Variants in CES1 observed in about 807,000 individuals in gnomAD.
The protein encoded by CES1 is carboxylesterase 1.
A neutral mutation model predicts 53.0 loss-of-function variants in CES1; 50 were observed. That is an observed-to-expected ratio of 0.94 (90% CI 0.75 to 1.19). CES1 has a LOEUF of 1.19. Among genes scored for constraint, CES1 ranks in the 50% most tolerant of loss-of-function variants. The probability of loss-of-function intolerance (pLI) is 0.00; values close to 1 mark genes in which losing one functional copy is unlikely to be tolerated. For synonymous variants in CES1, 202 were observed against 210.1 expected (o/e 0.96, Z 0.33); for missense variants, 534 against 538.0 (o/e 0.99, Z 0.07).
chr16:55,819,148 T>C (rs2032067492), intron 7 of CES1, among the ~76,000 whole-genome samples: 1 of 152,196 alleles, frequency 6.6e-6, no homozygotes, highest in Non-Finnish European at 1.5e-5. Context: ...ATACAGACAA[T>C]TTCTAAGTCA....
At chr16:55,821,671 T>C (rs537086232) in intron 4 of CES1, 150 bp from the exon 5 acceptor site, 1 of 833,916 alleles carries the variant, frequency 1.2e-6, no homozygotes, top group East Asian at 2.6e-5. Context: ...TAGTACAGCA[T>C]TGTGGTGATG....
intron 7 of CES1, among the ~76,000 whole-genome samples, chr16:55,817,664 G>A (rs751620868): frequency 6.6e-6 from 1 of 151,854 alleles, no homozygotes; most frequent in Non-Finnish European, 1.5e-5. Context: ...GTGTGTGTGT[G>A]TGTATGAGTG....
chr16:55,815,463 A>G (rs2031897607), intron 8 of CES1, among the ~76,000 whole-genome samples: 1 of 152,244 alleles, frequency 6.6e-6, no homozygotes, highest in Admixed American at 6.5e-5. Flanking sequence ...GGTGACAGCC[A>G]TGCTGGAAGA....
At chr16:55,822,345 G>A (rs1237803761) in intron 4 of CES1, among the ~76,000 whole-genome samples, 4 of 152,254 alleles carry the variant, frequency 2.6e-5, no homozygotes, top group Non-Finnish European at 5.9e-5. Flanking sequence ...GCTGGGCTAG[G>A]AGCCAGGGAA....
chr16:55,819,357 C>T (rs147307239), intron 7 of CES1, among the ~76,000 whole-genome samples, 178 bp downstream of exon 7: 1 of 152,282 alleles, frequency 6.6e-6, no homozygotes, highest in East Asian at 1.9e-4. Context: ...TATTTTTTGA[C>T]TTTCTTTTTT....
intron 3 of CES1, among the ~76,000 whole-genome samples, chr16:55,823,914 C>A (rs1415483082): frequency 6.6e-6 from 1 of 152,248 alleles, no homozygotes; most frequent in Non-Finnish European, 1.5e-5. Context: ...TTCCTTTCTA[C>A]CCAGCCTCCA....
chr16:55,814,021 T>A (rs1165300976), intron 8 of CES1, among the ~76,000 whole-genome samples: 7 of 152,198 alleles, frequency 4.6e-5, no homozygotes, highest in Admixed American at 4.6e-4. Context: ...AAGGACATTT[T>A]AGCAAGCAGG....
At chr16:55,830,844 A>AT (rs1567509555) in intron 1 of CES1, among the ~76,000 whole-genome samples, 157 of 151,898 alleles carry the variant, frequency 1.0e-3, no homozygotes, top group Admixed American at 3.5e-3. Flanking sequence ...GCAGGCAGGC[A>AT]GGCAAGTGGG....
At chr16:55,810,125 G>A (rs141700040) in intron 11 of CES1, among the ~76,000 whole-genome samples, 84 of 152,144 alleles carry the variant, frequency 5.5e-4, no homozygotes, top group Non-Finnish European at 1.1e-3. Flanking sequence ...ATAAATACCC[G>A]GCTCCCTTGC....
intron 8 of CES1, 134 bp from the exon 9 acceptor site, chr16:55,813,177 C>A (rs1277589471): frequency 1.6e-5 from 20 of 1,258,354 alleles, no homozygotes; most frequent in Non-Finnish European, 2.2e-5. Flanking sequence ...TGCTCAGGAT[C>A]CTAACTTAGG....
intron 1 of CES1, among the ~76,000 whole-genome samples, chr16:55,832,282 C>T (rs1241691828): frequency 1.4e-4 from 21 of 152,290 alleles, no homozygotes; most frequent in Admixed American, 7.8e-4. Flanking sequence ...CCTTGTGCCC[C>T]GCGCACTGGT....
chr16:55,817,513 C>T (rs1487253780), intron 7 of CES1, among the ~76,000 whole-genome samples: 1 of 152,206 alleles, frequency 6.6e-6, no homozygotes, highest in African/African-American at 2.4e-5. Flanking sequence ...TCATCCTACC[C>T]CATGCTTCTC....
At position 55,821,489 on chromosome 16, in the gene CES1, C is replaced by G; in HGVS notation, c.572G>C (p.Gly191Ala). 1 of 1,614,150 alleles carries G rather than the reference C, an allele frequency of 6.2e-7. No homozygotes were observed. The highest frequency in any genetic ancestry group is 2.2e-5 in the East Asian group (1 of 44,882). ...CAGGGCAGCCACCTGGTCCAGGTGA[C>G]CCCAGTTCCCCCGGCTGTGTTCATC... Reference protein sequence around the residue: ...TGDEHSRGNWGHLDQVAALRW... With the variant: ...TGDEHSRGNWAHLDQVAALRW... The change falls in exon 5 of 14, where the codon GGT becomes GCT. Residue 191 changes from glycine (G) to alanine (A), a missense_variant. Coordinates refer to ENST00000360526, the MANE Select transcript of CES1 (RefSeq NM_001025195.2).
At position 55,821,445 on chromosome 16, in the gene CES1, T is replaced by C. The variant is rs1490001249; in HGVS notation, c.616A>G (p.Ile206Val). The C allele has an allele frequency of 6.2e-7, 1 of 1,614,070 alleles. No homozygotes were observed. The highest frequency in any genetic ancestry group is 1.7e-5 in the Admixed American group (1 of 60,006). Reference sequence around the variant, plus strand: ...CCTGGGTTCCCTCCAAAGCTGGCAATGTTGTCCTGGACCCAGCGCAGGGCA... The same window carrying C: ...CCTGGGTTCCCTCCAAAGCTGGCAACGTTGTCCTGGACCCAGCGCAGGGCA... Reference protein sequence around the residue: ...VAALRWVQDNIASFGGNPGSV... With the variant: ...VAALRWVQDNVASFGGNPGSV... The change falls in exon 5 of 14, where the codon ATT becomes GTT. Residue 206 changes from isoleucine to valine, a missense_variant. Physicochemically the swap from Ile to Val is conservative, Grantham distance 29 (BLOSUM62 3). Around this residue, in one of 5 missense-constraint regions of CES1, gnomAD observed 85 missense variants for 81.9 expected, o/e 1.04. Coordinates refer to ENST00000360526, the MANE Select transcript of CES1 (RefSeq NM_001025195.2).
intron 6 of CES1, 43 bp downstream of exon 6, chr16:55,820,329 A>C (rs757616088): frequency 1.7e-6 from 2 of 1,207,770 alleles, no homozygotes; most frequent in African/African-American, 3.1e-5. Context: ...AGAGCCAAGG[A>C]GGTGGGGGTG....
chr16:55,824,742 C>G (rs2032350509), intron 3 of CES1, among the ~76,000 whole-genome samples: 1 of 152,250 alleles, frequency 6.6e-6, no homozygotes, highest in African/African-American at 2.4e-5. Flanking sequence ...TGAGATCACG[C>G]TTAGTGGTCA....
chr16:55,832,581 C>T lies in CES1; in HGVS notation c.52+423G>A, dbSNP rs115600559. 2.2e-3 allele frequency among the ~76,000 whole-genome samples: 341 copies of T among 152,314 alleles called. 2 individuals are homozygous for T. Among genetic ancestry groups the T allele is most frequent in the African/African-American group, 7.8e-3 (324 of 41,568 alleles). On this transcript the variant is annotated intron_variant, in intron 1 of 13. Coordinates refer to ENST00000360526, the MANE Select transcript of CES1 (RefSeq NM_001025195.2). ...AGCACGGAATAGCGCAGTCCCTTGC[C>T]TAAGGACACACAGCGAGGAAGCGCC...
chr16:55,825,927 G>T (rs763616786), intron 3 of CES1, among the ~76,000 whole-genome samples: 10 of 152,206 alleles, frequency 6.6e-5, no homozygotes, highest in Non-Finnish European at 1.2e-4. Flanking sequence ...GAACAATTAA[G>T]ATGTTCATTA....
chr16:55,829,463 G>T (rs1230408039), intron 1 of CES1, among the ~76,000 whole-genome samples: 3 of 152,250 alleles, frequency 2.0e-5, no homozygotes, highest in Non-Finnish European at 1.5e-5. Flanking sequence ...TAGAAGAGGG[G>T]GCAAGGCCTT....
Sources: allele counts gnomAD v4.1 joint callset (sites outside exome capture counted in the v4.1 genomes callset), GRCh38; gene constraint gnomAD v4.1.1; regional missense constraint gnomAD v4.1.1; transcripts MANE v1.5; gene names NCBI Gene and HGNC (gene_info 2026-07-23, HGNC 2026-07-21).